Variants in GSE1 observed in about 807,000 individuals in gnomAD.
GSE1 encodes genetic suppressor element 1.
Under a neutral mutation model 112.6 loss-of-function variants are expected in GSE1, and 32 were observed. The observed-to-expected ratio is 0.28, with a 90% CI of 0.21 to 0.38. The LOEUF (loss-of-function observed/expected upper bound fraction) is 0.38. Ranked by LOEUF, GSE1 falls within the 10% of genes least tolerant of loss-of-function variation. GSE1 has a pLI of 1.00. For missense variants in GSE1, 2,348 were observed against 1,699.2 expected (o/e 1.38, Z -6.71); for synonymous variants, 1,115 against 735.6 (o/e 1.52, Z -8.35).
chr16:85,668,315 G>C lies in GSE1; in HGVS notation c.3306G>C (p.Glu1102Asp). 1 of 1,612,884 alleles carries C rather than the reference G, an allele frequency of 6.2e-7. No individual in the cohort carries two copies. Among genetic ancestry groups the C allele is most frequent in the Non-Finnish European group, 8.5e-7 (1 of 1,179,004 alleles). Reference sequence around the variant, plus strand: ...CCCAGGAGTTGGACCGGGACTCGGAGGAGGAGGAAGAGGAGGATGATGAAG... The same window carrying C: ...CCCAGGAGTTGGACCGGGACTCGGACGAGGAGGAAGAGGAGGATGATGAAG... ...PPTQELDRDS[E>D]EEEEEDDEDG... Residue 1102 changes from glutamate (E) to aspartate (D), a missense_variant, in exon 14 of 16, where the codon GAG (glutamate) becomes GAC (aspartate). By Grantham distance (45) the Glu-to-Asp change is conservative (BLOSUM62 2). Transcript: ENST00000253458.
intron 1 of GSE1, among the ~76,000 whole-genome samples, chr16:85,214,959 G>A (rs187554358): frequency 6.6e-6 from 1 of 152,192 alleles, no homozygotes; most frequent in Non-Finnish European, 1.5e-5. Flanking sequence ...GCCCGGTCTT[G>A]GCCTCTGCGG....
At chr16:85,632,590 A>G (rs1401662799) in intron 1 of GSE1, among the ~76,000 whole-genome samples, 1 of 152,154 alleles carries the variant, frequency 6.6e-6, no homozygotes, top group Non-Finnish European at 1.5e-5. Context: ...GGTTCCAATT[A>G]GACTTGTCAA....
At chr16:85,521,764 CCT>C (rs2052193966) in intron 2 of GSE1, among the ~76,000 whole-genome samples, 1 of 152,240 alleles carries the variant, frequency 6.6e-6, no homozygotes, top group South Asian at 2.1e-4. Context: ...CTGGAGCCGC[CCT>C]GAGAGGGGCC....
intron 1 of GSE1, among the ~76,000 whole-genome samples, chr16:85,221,079 C>T (rs938132034): frequency 3.9e-5 from 6 of 151,994 alleles, no homozygotes. Flanking sequence ...AACCAGGCCC[C>T]CAGCCGTAAA....
intron 5 of GSE1, among the ~76,000 whole-genome samples, chr16:85,655,390 G>A (rs2051831523): frequency 6.6e-6 from 1 of 152,174 alleles, no homozygotes; most frequent in Non-Finnish European, 1.5e-5. Flanking sequence ...GAGGTCAGAG[G>A]GGCCTGTAGT....
rs756803586 is a variant in GSE1 at position 85,666,200 on chromosome 16, G to A, written c.2983G>A (p.Ala995Thr). The A allele has an allele frequency of 3.6e-5, 58 of 1,613,492 alleles. No homozygotes were observed. The East Asian group carries it at 9.1e-4, about 25-fold the overall frequency. ...SLSMLHYIRG[A>T]APKDIPVPLS... Reference sequence around the variant, plus strand: ...GAGCATGCTTCACTATATCCGGGGCGCTGCACCCAAGGACATTCCTGTGCC... The same window carrying A: ...GAGCATGCTTCACTATATCCGGGGCACTGCACCCAAGGACATTCCTGTGCC... The change falls in exon 13 of 16, where the codon GCT becomes ACT. Residue 995 changes from alanine to threonine, a missense_variant. Coordinates refer to ENST00000253458, the MANE Select transcript of GSE1 (RefSeq NM_014615.5).
intron 1 of GSE1, among the ~76,000 whole-genome samples, chr16:85,314,021 A>T (rs1306999616): frequency 6.6e-6 from 1 of 151,478 alleles, no homozygotes; most frequent in Non-Finnish European, 1.5e-5. Context: ...TAGTGTGTGT[A>T]TAAGACATAG....
At chr16:85,450,472 C>CAT (rs993957291) in intron 2 of GSE1, among the ~76,000 whole-genome samples, 25 of 150,772 alleles carry the variant, frequency 1.7e-4, no homozygotes, top group Non-Finnish European at 3.2e-4. Context: ...ATTTTTGAGA[C>CAT]AGAGTCGCAC....
intron 2 of GSE1, among the ~76,000 whole-genome samples, chr16:85,494,142 A>T (rs1401887458): frequency 6.6e-6 from 1 of 152,252 alleles, no homozygotes; most frequent in South Asian, 2.1e-4. Context: ...AGAGGGGCTT[A>T]TAACAACAGA....
intron 1 of GSE1, among the ~76,000 whole-genome samples, chr16:85,274,127 T>C (rs1396348365): frequency 1.3e-5 from 2 of 151,574 alleles, no homozygotes; most frequent in Admixed American, 6.6e-5. Context: ...GGCTCACTCC[T>C]GTAATCCCAG....
In GSE1 at chr16:85,331,450, T is replaced by C. The variant is rs146233896; in HGVS notation, c.2284-26013T>C. Among the ~76,000 whole-genome samples, 1,127 of 144,162 alleles carry C rather than the reference T, an allele frequency of 7.8e-3. 15 individuals are homozygous for C. Among genetic ancestry groups the C allele is most frequent in the Non-Finnish European group, 0.011 (742 of 66,464 alleles). The allele number at this position is 144,162 out of a possible 152,430, so 94.6% of individuals were successfully genotyped here. A position where few individuals can be genotyped will look rare whatever the true frequency, so the allele number is the denominator to read the frequency against. ...ATATATGTATATATATGCGTATATA[T>C]GTATATATATGTGTGTATATATGTA... On this transcript the variant is annotated intron_variant, in intron 1 of 2. Transcript: ENST00000637419.
At chr16:85,578,928 C>T (rs529097577) in intron 1 of GSE1, among the ~76,000 whole-genome samples, 21 of 152,038 alleles carry the variant, frequency 1.4e-4, no homozygotes, top group Non-Finnish European at 2.9e-4. Context: ...TAAGCTCCCC[C>T]CAGCACAGCG....
intron 1 of GSE1, among the ~76,000 whole-genome samples, chr16:85,247,791 G>A (rs2143998917): frequency 6.6e-6 from 1 of 152,332 alleles, no homozygotes; most frequent in African/African-American, 2.4e-5. Context: ...GGGCACATGG[G>A]GGACATGCCA....
chr16:85,284,224 G>A (rs1319582856), intron 1 of GSE1, among the ~76,000 whole-genome samples: 3 of 152,266 alleles, frequency 2.0e-5, no homozygotes, highest in Non-Finnish European at 4.4e-5. Context: ...AGCTGTCGCT[G>A]TAGGGCGACT....
At position 85,518,624 on chromosome 16, in the gene GSE1, C is replaced by T. The variant is rs76700204; in HGVS notation, c.2465-115290C>T. Among the ~76,000 whole-genome samples, 185 of 152,178 alleles carry T rather than the reference C, an allele frequency of 1.2e-3. 1 individual carries two copies. The East Asian group carries it at 0.03, about 25-fold the overall frequency. On this transcript the variant is annotated intron_variant, in intron 2 of 2. Transcript: ENST00000637419. ...CCCAGCTGTAAAATGGGGACAGCAG[C>T]GCCTCAGTGCTGCATCTTATGCATA...
At chr16:85,368,226 T>TA (rs2047226569) in intron 2 of GSE1, among the ~76,000 whole-genome samples, 2 of 152,182 alleles carry the variant, frequency 1.3e-5, no homozygotes, top group Admixed American at 1.3e-4. Flanking sequence ...AGCAGGTTCT[T>TA]ACTGCATTCC....
intron 3 of GSE1, among the ~76,000 whole-genome samples, chr16:85,653,555 C>G (rs2051626539): frequency 6.6e-6 from 1 of 151,630 alleles, no homozygotes; most frequent in South Asian, 2.1e-4. Flanking sequence ...ACCTTCCCAG[C>G]TACACCCAGG....
chr16:85,480,785 C>G (rs1236228647), intron 2 of GSE1, among the ~76,000 whole-genome samples: 1 of 152,186 alleles, frequency 6.6e-6, no homozygotes, highest in Non-Finnish European at 1.5e-5. Context: ...TCCCCACCGT[C>G]TGATTTTTCT....
intron 2 of GSE1, among the ~76,000 whole-genome samples, chr16:85,462,562 G>A (rs1358821109): frequency 1.3e-5 from 2 of 151,918 alleles, no homozygotes; most frequent in East Asian, 3.9e-4. Flanking sequence ...CACTTGAACT[G>A]TCACGGCGGA....
Sources: gnomAD v4.1 joint callset for allele counts (sites outside exome capture counted in the v4.1 genomes callset) on GRCh38, gnomAD v4.1.1 for gene constraint, MANE v1.5 for transcripts, NCBI Gene and HGNC (gene_info 2026-07-23, HGNC 2026-07-21) for gene names.